PARK7: variants seen among roughly 807,000 people sequenced by gnomAD.
The protein encoded by PARK7 is Parkinsonism associated deglycase.
PARK7 carries 14 observed loss-of-function variants against 20.5 expected under a neutral mutation model. The observed-to-expected ratio is 0.68, with a 90% CI of 0.45 to 1.07. The LOEUF (loss-of-function observed/expected upper bound fraction) is 1.07, where lower values mean the gene tolerates loss of function less well. PARK7 is among the 50% of genes least tolerant of loss of function. PARK7 has a pLI of 0.00. For synonymous variants in PARK7, 98 were observed against 84.3 expected, an observed-to-expected ratio of 1.16 and a Z score of -0.89; for missense variants, 234 against 238.1, an observed-to-expected ratio of 0.98 and a Z score of 0.11.
rs756023650 is a variant in PARK7 at position 7,965,435 on chromosome 1, C to G, written c.192+10C>G. 54 of 1,609,252 alleles carry G rather than the reference C, an allele frequency of 3.4e-5. No individual in the cohort carries two copies. Among genetic ancestry groups the G allele is most frequent in the Non-Finnish European group, 4.5e-5 (53 of 1,175,712 alleles). ...AGATGCAAAAAAAGAGGTTTGTAAT[C>G]CATACATGGAGTTATTCCTTCATAT... On this transcript the variant is annotated intron_variant, in intron 3 of 6. Transcript: ENST00000338639.
chr1:7,981,965 CTTTTTTT>C (rs71567337), intron 6 of PARK7, among the ~76,000 whole-genome samples: 2 of 84,370 alleles, frequency 2.4e-5, no homozygotes, highest in African/African-American at 5.4e-5. Flanking sequence ...GCCCCCCCGC[CTTTTTTT>C]TTTTTTTTTT....
intron 3 of PARK7, among the ~76,000 whole-genome samples, chr1:7,967,421 G>C (rs956180360): frequency 6.6e-6 from 1 of 152,142 alleles, no homozygotes; most frequent in Non-Finnish European, 1.5e-5. Context: ...CTTTCCATTG[G>C]ATACATGCCA....
chr1:7,981,254 C>T, intron 6 of PARK7, among the ~76,000 whole-genome samples: 1 of 152,166 alleles, frequency 6.6e-6, no homozygotes, highest in East Asian at 1.9e-4. Flanking sequence ...AAACCTGCTT[C>T]AGGATTGTTG....
chr1:7,964,528 A>G (rs543243462), intron 2 of PARK7, among the ~76,000 whole-genome samples: 1 of 152,284 alleles, frequency 6.6e-6, no homozygotes, highest in South Asian at 2.1e-4. Context: ...CAGCATTACA[A>G]TTCTGTAATA....
intron 2 of PARK7, among the ~76,000 whole-genome samples, chr1:7,964,015 A>G (rs1166848074): frequency 2.0e-5 from 3 of 151,956 alleles, no homozygotes; most frequent in Non-Finnish European, 4.4e-5. Flanking sequence ...GGGTTTCACC[A>G]TCTTGGCCAG....
At chr1:7,978,068 C>T (rs1424276301) in intron 6 of PARK7, among the ~76,000 whole-genome samples, 5 of 139,046 alleles carry the variant, frequency 3.6e-5, no homozygotes, top group African/African-American at 1.3e-4. Flanking sequence ...GCGTTCTCTG[C>T]TCACTGCAAC....
chr1:7,969,418 C>T lies in PARK7; in HGVS notation c.252+14C>T, dbSNP rs949528202. 5 of 1,581,702 alleles carry T rather than the reference C, an allele frequency of 3.2e-6. No individual in the cohort carries two copies. The highest frequency in any genetic ancestry group is 4.3e-6 in the Non-Finnish European group (5 of 1,153,848). On this transcript the variant is annotated intron_variant, in intron 4 of 6. Transcript: ENST00000338639. ...AATTTATCTGAGGTAAAAAATTCTA[C>T]TCAATTATACCTCAATAAAGCTGGG...
chr1:7,963,284 C>A (rs963749425), intron 2 of PARK7, among the ~76,000 whole-genome samples: 1 of 152,074 alleles, frequency 6.6e-6, no homozygotes, highest in Non-Finnish European at 1.5e-5. Flanking sequence ...GGCTGCTCTC[C>A]AACTCCTGAG....
intron 2 of PARK7, 54 bp downstream of exon 2, chr1:7,962,929 TA>T: frequency 7.2e-7 from 1 of 1,387,264 alleles, no homozygotes; most frequent in South Asian, 1.2e-5. Flanking sequence ...TTTGGATTTT[TA>T]AATCATTTTG....
In PARK7 at chr1:7,984,974, T is replaced by C; in HGVS notation, c.490T>C (p.Phe164Leu). 6.2e-7 allele frequency: 1 copy of C among 1,614,126 alleles called. No homozygotes were observed. Among genetic ancestry groups the C allele is most frequent in the Non-Finnish European group, 8.5e-7 (1 of 1,180,034 alleles). Reference protein sequence around the residue: ...TSRGPGTSFEFALAIVEALNG... With the variant: ...TSRGPGTSFELALAIVEALNG... ...CCGGGGGCCTGGGACCAGCTTCGAG[T>C]TTGCGCTTGCAATTGTTGAAGCCCT... Residue 164 changes from phenylalanine to leucine, a missense_variant, in exon 7 of 7, where the codon TTT (phenylalanine) becomes CTT (leucine). Coordinates refer to ENST00000338639, the MANE Select transcript of PARK7 (RefSeq NM_007262.5). This position sits in a 1 kb window ranked among gnomAD's most constrained non-coding sequence, Gnocchi z 4.3.
intron 5 of PARK7, among the ~76,000 whole-genome samples, chr1:7,973,156 G>A (rs957653309): frequency 6.6e-6 from 1 of 152,208 alleles, no homozygotes; most frequent in Non-Finnish European, 1.5e-5. Context: ...ATTAGGGGCT[G>A]GGAAGAACCA....
chr1:7,974,609 A>G lies in PARK7; in HGVS notation c.323-3043A>G, dbSNP rs189170419. Reference sequence around the variant, plus strand: ...GCGCCACTGCTCTCCAGCCTGGGCGACAGAGTGAGACTCCATCTCAAAAAA... The same window carrying G: ...GCGCCACTGCTCTCCAGCCTGGGCGGCAGAGTGAGACTCCATCTCAAAAAA... On this transcript the variant is annotated intron_variant, in intron 5 of 6. Transcript: ENST00000338639. 3.6e-3 allele frequency among the ~76,000 whole-genome samples: 545 copies of G among 151,776 alleles called. 1 individual carries two copies. The highest frequency in any genetic ancestry group is 6.0e-3 in the Non-Finnish European group (407 of 67,900).
rs752342660 is a variant in PARK7 at position 7,962,839 on chromosome 1, G to A, written c.54G>A (p.Glu18=). 3.7e-6 allele frequency: 6 copies of A among 1,612,576 alleles called. No individual in the cohort carries two copies. In the South Asian group the frequency reaches 4.4e-5, roughly 12 times the overall value. ...TGGCTAAAGGAGCAGAGGAAATGGA[G>A]ACGGTCATCCCTGTAGATGTCATGA... ...VILAKGAEEM[E]TVIPVDVMRR... The change falls in exon 2 of 7, where the codon GAG becomes GAA. Residue 18 remains glutamate (E), a synonymous_variant. Coordinates refer to ENST00000338639, the MANE Select transcript of PARK7 (RefSeq NM_007262.5).
intron 5 of PARK7, among the ~76,000 whole-genome samples, chr1:7,975,761 CTG>C: frequency 6.6e-6 from 1 of 152,354 alleles, no homozygotes; most frequent in African/African-American, 2.4e-5. Flanking sequence ...ACTTTCCTCA[CTG>C]TGCTATCATC....
intron 3 of PARK7, among the ~76,000 whole-genome samples, chr1:7,967,273 A>G (rs2151429771): frequency 6.6e-6 from 1 of 152,310 alleles, no homozygotes; most frequent in Non-Finnish European, 1.5e-5. Flanking sequence ...GCTGGATAGT[A>G]TCCCATTGTG....
At chr1:7,980,818 A>AGTTT (rs1640694612) in intron 6 of PARK7, among the ~76,000 whole-genome samples, 1 of 152,170 alleles carries the variant, frequency 6.6e-6, no homozygotes, top group Admixed American at 6.5e-5. Flanking sequence ...TCAGTGTGAC[A>AGTTT]GTTTCTTCTC....
At chr1:7,969,824 C>T (rs989584832) in intron 4 of PARK7, among the ~76,000 whole-genome samples, 1 of 152,128 alleles carries the variant, frequency 6.6e-6, no homozygotes, top group Non-Finnish European at 1.5e-5. Flanking sequence ...GTGATCCGCC[C>T]ACCTCGGCCT....
intron 6 of PARK7, 97 bp downstream of exon 6, chr1:7,977,835 C>T (rs1326195215): frequency 4.0e-6 from 4 of 989,048 alleles, no homozygotes; most frequent in Non-Finnish European, 6.3e-6. Flanking sequence ...TCTTGGCTTA[C>T]TGCAATCCCT....
intron 5 of PARK7, among the ~76,000 whole-genome samples, chr1:7,975,002 C>T (rs1220104673): frequency 1.3e-5 from 2 of 151,946 alleles, no homozygotes; most frequent in Non-Finnish European, 2.9e-5. Context: ...ATTACAGGCA[C>T]CTGCCACCAT....
Sources: allele counts gnomAD v4.1 joint callset (sites outside exome capture counted in the v4.1 genomes callset), GRCh38; gene constraint gnomAD v4.1.1; non-coding constraint Gnocchi (gnomAD v3.1); transcripts MANE v1.5; gene names NCBI Gene and HGNC (gene_info 2026-07-23, HGNC 2026-07-21).